The following TMEM132D variants were observed in gnomAD, a reference collection of about 807,000 sequenced individuals.
TMEM132D encodes mature OL transmembrane protein.
A neutral mutation model predicts 62.3 loss-of-function variants in TMEM132D; 21 were observed. The observed-to-expected ratio is 0.34, with a 90% CI of 0.24 to 0.49. TMEM132D has a LOEUF of 0.49. Ranked by LOEUF, TMEM132D falls within the 20% of genes least tolerant of loss-of-function variation. The pLI is 0.99. For synonymous variants in TMEM132D, 621 were observed against 575.6 expected, an observed-to-expected ratio of 1.08 and a Z score of -1.13; for missense variants, 1,346 against 1,402.8, an observed-to-expected ratio of 0.96 and a Z score of 0.65.
intron 1 of TMEM132D, among the ~76,000 whole-genome samples, chr12:129,713,479 G>T (rs554194854): frequency 5.6e-4 from 85 of 152,192 alleles, no homozygotes; most frequent in African/African-American, 2.0e-3. Flanking sequence ...TTTTGGGAAG[G>T]AGGAGGGAAA....
chr12:129,902,706 C>T (rs762207328), intron 1 of TMEM132D, among the ~76,000 whole-genome samples: 21 of 152,346 alleles, frequency 1.4e-4, no homozygotes, highest in Non-Finnish European at 2.6e-4. Flanking sequence ...AACCTCACAG[C>T]GGCAGACCTG....
chr12:129,710,008 A>G (rs1218114153), intron 1 of TMEM132D, among the ~76,000 whole-genome samples: 1 of 152,220 alleles, frequency 6.6e-6, no homozygotes, highest in Non-Finnish European at 1.5e-5. Context: ...GCCCTAGCAA[A>G]TGAACTGAAT....
At chr12:129,765,693 T>C (rs1593153294) in intron 1 of TMEM132D, among the ~76,000 whole-genome samples, 1 of 152,320 alleles carries the variant, frequency 6.6e-6, no homozygotes, top group East Asian at 1.9e-4. Flanking sequence ...CCTTTTTACA[T>C]GTGTTTCAAT....
At position 129,566,708 on chromosome 12, in the gene TMEM132D, C is replaced by T. The variant is rs549651861; in HGVS notation, c.969-35503G>A. 2.6e-3 allele frequency among the ~76,000 whole-genome samples: 399 copies of T among 152,248 alleles called. 1 individual carries two copies. Among genetic ancestry groups the T allele is most frequent in the South Asian group, 0.013 (63 of 4,824 alleles). On this transcript the variant is annotated intron_variant, in intron 2 of 8. Coordinates refer to ENST00000422113, the MANE Select transcript of TMEM132D (RefSeq NM_133448.3). ...ATCCCCTTCCCTTTCCAGGTCTTTT[C>T]CTGATTGAGGAGAGAATTAACTAAG...
Position 129,718,465 on chromosome 12 carries a change from C to G in TMEM132D, c.80-17767G>C, listed in dbSNP as rs148386338. Among the ~76,000 whole-genome samples, 31 of 152,326 alleles carry G rather than the reference C, an allele frequency of 2.0e-4. 1 individual carries two copies. The South Asian group carries it at 6.4e-3, about 32-fold the overall frequency. The stretch of plus-strand genomic sequence containing the variant: ...TCTTCCCAGTTAAAGTCAATAAAAC[C>G]TTTACTGGCCAGTTGTCCTTATTTT... On this transcript the variant is annotated intron_variant, in intron 1 of 8. Coordinates refer to ENST00000422113, the MANE Select transcript of TMEM132D (RefSeq NM_133448.3).
intron 2 of TMEM132D, among the ~76,000 whole-genome samples, chr12:129,590,568 A>G (rs1211757687): frequency 6.6e-6 from 1 of 152,126 alleles, no homozygotes; most frequent in Non-Finnish European, 1.5e-5. Flanking sequence ...ATTCTTTTTC[A>G]CTGGCTGTGT....
intron 2 of TMEM132D, among the ~76,000 whole-genome samples, chr12:129,652,112 CT>C (rs1043565211): frequency 6.6e-6 from 1 of 152,166 alleles, no homozygotes; most frequent in Non-Finnish European, 1.5e-5. Flanking sequence ...CACTTTAGGA[CT>C]TTGAAAACTA....
intron 1 of TMEM132D, among the ~76,000 whole-genome samples, chr12:129,770,797 G>T (rs1870720940): frequency 6.6e-6 from 1 of 152,312 alleles, no homozygotes; most frequent in African/African-American, 2.4e-5. Context: ...AAATGTATGG[G>T]ATACTGTACT....
intron 2 of TMEM132D, among the ~76,000 whole-genome samples, chr12:129,640,310 G>A (rs1260216017): frequency 6.6e-6 from 1 of 151,934 alleles, no homozygotes; most frequent in Admixed American, 6.6e-5. Flanking sequence ...ATAAAAGCGT[G>A]GATTTTCATA....
chr12:129,817,330 A>G (rs766981763), intron 1 of TMEM132D, among the ~76,000 whole-genome samples: 2 of 152,226 alleles, frequency 1.3e-5, no homozygotes, highest in Non-Finnish European at 2.9e-5. Context: ...CCAGGTCCAC[A>G]GAGTTCTGCT....
intron 4 of TMEM132D, among the ~76,000 whole-genome samples, chr12:129,239,557 G>A (rs1031033623): frequency 1.3e-5 from 2 of 152,186 alleles, no homozygotes; most frequent in Non-Finnish European, 1.5e-5. Flanking sequence ...CTTTGCAGAT[G>A]TAGTCAAGTT....
chr12:129,649,409 AC>A (rs2137181601), intron 2 of TMEM132D, among the ~76,000 whole-genome samples: 1 of 152,176 alleles, frequency 6.6e-6, no homozygotes, highest in East Asian at 1.9e-4. Context: ...TCAAGAAAGC[AC>A]CCCCACACAG....
Position 129,802,056 on chromosome 12 carries a change from G to A in TMEM132D, c.79+101205C>T, listed in dbSNP as rs1300486851. ...GACTATGTGAAAAGACCAAATCTAC[G>A]TCTGATTGGTGTACCTGAAAGTGAT... On this transcript the variant is annotated intron_variant, in intron 1 of 8. Coordinates refer to ENST00000422113, the MANE Select transcript of TMEM132D (RefSeq NM_133448.3). Among the ~76,000 whole-genome samples the A allele has an allele frequency of 7.4e-5, 11 of 148,550 alleles. No homozygotes were observed. In the East Asian group the frequency reaches 1.6e-3, roughly 22 times the overall value.
rs543343772 is a variant in TMEM132D at position 129,810,812 on chromosome 12, G to C, written c.79+92449C>G. On this transcript the variant is annotated intron_variant, in intron 1 of 8. Coordinates refer to ENST00000422113, the MANE Select transcript of TMEM132D (RefSeq NM_133448.3). ...AATCTTGAACAATGTCCAAAAAATC[G>C]AGTTGAGGAAAATCAAAATTATTCC... 2.0e-3 allele frequency among the ~76,000 whole-genome samples: 300 copies of C among 152,190 alleles called. 1 individual carries two copies. The highest frequency in any genetic ancestry group is 8.7e-4 in the Non-Finnish European group (59 of 68,004).
intron 5 of TMEM132D, among the ~76,000 whole-genome samples, chr12:129,190,669 T>C (rs1878370778): frequency 6.6e-6 from 1 of 151,538 alleles, no homozygotes; most frequent in African/African-American, 2.4e-5. Context: ...AGGAGAGATA[T>C]TCCCCTAGAA....
At chr12:129,769,955 C>T (rs1715887020) in intron 1 of TMEM132D, among the ~76,000 whole-genome samples, 1 of 152,104 alleles carries the variant, frequency 6.6e-6, no homozygotes, top group Admixed American at 6.6e-5. Flanking sequence ...ATGACCAAAG[C>T]TCGTGCCACC....
At chr12:129,150,336 G>A (rs1040683886) in intron 5 of TMEM132D, among the ~76,000 whole-genome samples, 14 of 152,212 alleles carry the variant, frequency 9.2e-5, no homozygotes, top group Admixed American at 5.9e-4. Flanking sequence ...CGACAATGCC[G>A]ACGGCCAACA....
chr12:129,655,165 T>C (rs972876106), intron 2 of TMEM132D, among the ~76,000 whole-genome samples: 1 of 151,580 alleles, frequency 6.6e-6, no homozygotes, highest in Non-Finnish European at 1.5e-5. Flanking sequence ...GCCAGGAGGC[T>C]CCCGATCTCT....
intron 2 of TMEM132D, among the ~76,000 whole-genome samples, chr12:129,593,294 T>C (rs949236045): frequency 6.6e-6 from 1 of 152,208 alleles, no homozygotes; most frequent in Non-Finnish European, 1.5e-5. Context: ...CTTTCTTCAA[T>C]GGCATCCTGG....
Sources: allele counts gnomAD v4.1 joint callset (sites outside exome capture counted in the v4.1 genomes callset), GRCh38; gene constraint gnomAD v4.1.1; transcripts MANE v1.5; gene names NCBI Gene and HGNC (gene_info 2026-07-23, HGNC 2026-07-21).